CREB1: variants seen among roughly 807,000 people sequenced by gnomAD.
The protein encoded by CREB1 is cyclic AMP-responsive element-binding protein 1.
A neutral mutation model predicts 42.0 loss-of-function variants in CREB1; 2 were observed. The observed-to-expected ratio is 0.05, with a 90% CI of 0.02 to 0.15. The LOEUF (loss-of-function observed/expected upper bound fraction) is 0.15, where lower values mean the gene tolerates loss of function less well. Among genes scored for constraint, CREB1 ranks in the 10% least tolerant of loss-of-function variants. The pLI, the probability that CREB1 is intolerant of heterozygous loss-of-function variation, is 1.00. For synonymous variants in CREB1, 123 were observed against 139.9 expected, an observed-to-expected ratio of 0.88 and a Z score of 0.85; for missense variants, 199 against 388.9, an observed-to-expected ratio of 0.51 and a Z score of 4.11.
At chr2:207,577,347 G>A (rs573761515) in intron 6 of CREB1, 158 bp from the exon 7 acceptor site, 38 of 1,092,494 alleles carry the variant, frequency 3.5e-5, no homozygotes, top group Middle Eastern at 2.1e-4. Context: ...TAGTAGTGGC[G>A]CGAAGAGTGC....
At chr2:207,591,479 T>C (rs1195713092) in intron 7 of CREB1, among the ~76,000 whole-genome samples, 1 of 152,114 alleles carries the variant, frequency 6.6e-6, no homozygotes, top group Admixed American at 6.6e-5. Flanking sequence ...CAGGCTGGAG[T>C]GCAATGGCAG....
At chr2:207,580,291 T>A (rs1259118286) in intron 7 of CREB1, among the ~76,000 whole-genome samples, 1 of 152,196 alleles carries the variant, frequency 6.6e-6, no homozygotes, top group Non-Finnish European at 1.5e-5. Context: ...TCTTCTGCTG[T>A]GCCTCTCAAA....
At chr2:207,555,839 A>G (rs1208615400) in intron 2 of CREB1, 90 bp downstream of exon 2, 5 of 756,146 alleles carry the variant, frequency 6.6e-6, no homozygotes, top group East Asian at 2.7e-5. Context: ...ATAGATATAC[A>G]TAGAATGAGC....
At chr2:207,577,859 C>A in intron 7 of CREB1, 1 of 552,792 alleles carries the variant, frequency 1.8e-6, no homozygotes, top group Non-Finnish European at 3.2e-6. Context: ...AATCTTTGAT[C>A]GTGGAGTAGT....
At chr2:207,541,426 A>G (rs1191216336) in intron 1 of CREB1, among the ~76,000 whole-genome samples, 1 of 151,942 alleles carries the variant, frequency 6.6e-6, no homozygotes, top group African/African-American at 2.4e-5. Flanking sequence ...TACCTTTTCT[A>G]TGTTTGGATA....
intron 3 of CREB1, among the ~76,000 whole-genome samples, chr2:207,563,684 C>T (rs1322436508): frequency 1.3e-5 from 2 of 152,198 alleles, no homozygotes; most frequent in Non-Finnish European, 2.9e-5. Context: ...TGGCTCATTC[C>T]TGTAATCCCA....
chr2:207,597,117 G>C lies in CREB1; in HGVS notation c.*59G>C. 1 of 1,492,024 alleles carries C rather than the reference G, an allele frequency of 6.7e-7. No individual in the cohort carries two copies. The highest frequency in any genetic ancestry group is 8.9e-7 in the Non-Finnish European group (1 of 1,117,564). The allele number at this position is 1,492,024 out of a possible 1,614,324, so 92.4% of individuals were successfully genotyped here. Reference sequence around the variant, plus strand: ...AAATGGACTGGCTTGGCCACAACCTGAAAGACAAAATAAACATTTTATTTT... The same window carrying C: ...AAATGGACTGGCTTGGCCACAACCTCAAAGACAAAATAAACATTTTATTTT... On this transcript the variant is annotated 3_prime_UTR_variant, in exon 8 of 8. Coordinates refer to ENST00000353267, the MANE Select transcript of CREB1 (RefSeq NM_004379.5).
intron 7 of CREB1, chr2:207,578,134 A>G (rs1181412521): frequency 6.5e-6 from 1 of 153,500 alleles, no homozygotes; most frequent in Non-Finnish European, 1.5e-5. Flanking sequence ...TTAACACCTA[A>G]AGATTCTTCA....
At chr2:207,558,886 A>G (rs1001191462) in intron 2 of CREB1, among the ~76,000 whole-genome samples, 1 of 151,572 alleles carries the variant, frequency 6.6e-6, no homozygotes, top group Non-Finnish European at 1.5e-5. Flanking sequence ...CAGATGATCC[A>G]CCCGCCTCGG....
At chr2:207,538,134 G>GT (rs1387160304) in intron 1 of CREB1, among the ~76,000 whole-genome samples, 2 of 152,176 alleles carry the variant, frequency 1.3e-5, no homozygotes, top group Non-Finnish European at 2.9e-5. Context: ...TGCTCAAAAA[G>GT]TTTGAGATTT....
At chr2:207,563,741 C>T (rs2082037499) in intron 3 of CREB1, among the ~76,000 whole-genome samples, 1 of 152,050 alleles carries the variant, frequency 6.6e-6, no homozygotes, top group Admixed American at 6.6e-5. Flanking sequence ...CTCAGGAGTT[C>T]GAGATCAGCC....
chr2:207,553,675 T>C (rs1221439220), intron 1 of CREB1, among the ~76,000 whole-genome samples: 2 of 152,228 alleles, frequency 1.3e-5, no homozygotes, highest in African/African-American at 2.4e-5. Flanking sequence ...TAAAGTGTTA[T>C]ATATGTCTTC....
rs778482192 is a variant in CREB1 at position 207,555,751 on chromosome 2, T to TATAAA, written c.114+6_114+10dup. 2 of 1,592,028 alleles carry TATAAA rather than the reference T, an allele frequency of 1.3e-6. No homozygotes were observed. Among genetic ancestry groups the TATAAA allele is most frequent in the South Asian group, 2.2e-5 (2 of 90,520 alleles). Reference sequence around the variant, plus strand: ...CCACAGATTGCCACATTAGCCCAGGTATAAAATACATGGAGAGATTCCAGT... The same window carrying TATAAA: ...CCACAGATTGCCACATTAGCCCAGGTATAAAATAAAATACATGGAGAGATTCCAGT... On this transcript the variant is annotated splice_region_variant and intron_variant, in intron 2 of 7. Coordinates refer to ENST00000353267, the MANE Select transcript of CREB1 (RefSeq NM_004379.5).
intron 3 of CREB1, among the ~76,000 whole-genome samples, chr2:207,564,773 T>C (rs2082080428): frequency 6.6e-6 from 1 of 152,184 alleles, no homozygotes; most frequent in African/African-American, 2.4e-5. Context: ...TAAAACTTTA[T>C]ATCTACAAGT....
At chr2:207,530,883 G>C (rs2080588423) in intron 1 of CREB1, among the ~76,000 whole-genome samples, 1 of 151,734 alleles carries the variant, frequency 6.6e-6, no homozygotes, top group Non-Finnish European at 1.5e-5. Context: ...CACCGTTGAG[G>C]AAATGCTGCT....
chr2:207,544,764 C>T (rs184100919), intron 1 of CREB1, among the ~76,000 whole-genome samples: 4 of 152,180 alleles, frequency 2.6e-5, no homozygotes, highest in East Asian at 1.9e-4. Flanking sequence ...CCCCAACCAC[C>T]GATGTGTCCA....
chr2:207,562,999 A>C (rs2082011249), intron 3 of CREB1, among the ~76,000 whole-genome samples: 1 of 152,228 alleles, frequency 6.6e-6, no homozygotes, highest in Admixed American at 6.5e-5. Flanking sequence ...ACAGACTATG[A>C]AAAAATAAAT....
chr2:207,583,073 G>A (rs1396185977), intron 7 of CREB1, among the ~76,000 whole-genome samples: 7 of 151,868 alleles, frequency 4.6e-5, no homozygotes, highest in African/African-American at 1.7e-4. Flanking sequence ...AAATAAAAAA[G>A]TAACCTAGTA....
At chr2:207,582,124 G>GCC (rs1432542427) in intron 7 of CREB1, 2 of 702,744 alleles carry the variant, frequency 2.8e-6, no homozygotes, top group East Asian at 5.4e-5. Flanking sequence ...TCTTTGTCCA[G>GCC]CCCATATTCA....
Sources: allele counts gnomAD v4.1 joint callset (sites outside exome capture counted in the v4.1 genomes callset), GRCh38; gene constraint gnomAD v4.1.1; transcripts MANE v1.5; gene names NCBI Gene and HGNC (gene_info 2026-07-23, HGNC 2026-07-21).